The following ROR1 variants were observed in gnomAD, a reference collection of about 807,000 sequenced individuals.
ROR1 encodes ROR family WNT receptor 1, also known as inactive tyrosine-protein kinase transmembrane receptor ROR1.
A neutral mutation model predicts 78.8 loss-of-function variants in ROR1; 19 were observed. That is an observed-to-expected ratio of 0.24 (90% CI 0.17 to 0.35). The LOEUF is 0.35. Among genes scored for constraint, ROR1 ranks in the 10% least tolerant of loss-of-function variants. The pLI is 1.00. For synonymous variants in ROR1, 386 were observed against 433.6 expected, an observed-to-expected ratio of 0.89 and a Z score of 1.36; for missense variants, 917 against 1,177.8, an observed-to-expected ratio of 0.78 and a Z score of 3.24.
At chr1:63,846,845 T>C (rs1434983570) in intron 1 of ROR1, among the ~76,000 whole-genome samples, 2 of 152,186 alleles carry the variant, frequency 1.3e-5, no homozygotes, top group Non-Finnish European at 2.9e-5. Context: ...TCACTAACAC[T>C]CCTAATGCGG....
At chr1:63,945,996 G>A (rs1002140305) in intron 1 of ROR1, among the ~76,000 whole-genome samples, 7 of 152,098 alleles carry the variant, frequency 4.6e-5, no homozygotes, top group Non-Finnish European at 8.8e-5. Context: ...CATGCTTCCT[G>A]GTCCTCCTAG....
chr1:64,027,313 G>A (rs1321688659), intron 2 of ROR1, among the ~76,000 whole-genome samples: 1 of 152,186 alleles, frequency 6.6e-6, no homozygotes, highest in Non-Finnish European at 1.5e-5. Flanking sequence ...CTCCTGGAGT[G>A]AGCACAGAAT....
chr1:64,009,250 T>G (rs1402422433), intron 1 of ROR1, 55 bp from the exon 2 acceptor site: 2 of 1,307,888 alleles, frequency 1.5e-6, no homozygotes. Context: ...AGCCTATAAA[T>G]TACTATATTT....
At chr1:63,819,488 T>A (rs937270208) in intron 1 of ROR1, among the ~76,000 whole-genome samples, 1 of 152,208 alleles carries the variant, frequency 6.6e-6, no homozygotes, top group East Asian at 1.9e-4. Flanking sequence ...TTGGCATCCC[T>A]GCAGCAGTTA....
chr1:64,113,404 T>C (rs1417227398), intron 4 of ROR1, among the ~76,000 whole-genome samples: 2 of 152,290 alleles, frequency 1.3e-5, no homozygotes, highest in African/African-American at 4.8e-5. Context: ...TATTCTGCAG[T>C]AGGCCGAAGA....
At chr1:63,793,731 C>G (rs1266363258) in intron 1 of ROR1, among the ~76,000 whole-genome samples, 1 of 152,200 alleles carries the variant, frequency 6.6e-6, no homozygotes, top group Non-Finnish European at 1.5e-5. Context: ...TCAGCGGTCA[C>G]TTGGTGATGA....
At chr1:64,003,322 T>C (rs1379972904) in intron 1 of ROR1, among the ~76,000 whole-genome samples, 1 of 152,224 alleles carries the variant, frequency 6.6e-6, no homozygotes, top group African/African-American at 2.4e-5. Flanking sequence ...ATTATGCTGA[T>C]TACAATGTAA....
chr1:63,934,103 AGTG>A (rs1336455061), intron 1 of ROR1, among the ~76,000 whole-genome samples: 2 of 152,202 alleles, frequency 1.3e-5, no homozygotes, highest in African/African-American at 4.8e-5. Context: ...GCAATAAAGC[AGTG>A]ATAAACATCC....
rs146459209 is a variant in ROR1, at chr1:64,015,229, G to A, written c.163+5853G>A. 7.1e-3 allele frequency among the ~76,000 whole-genome samples: 1,084 copies of A among 152,166 alleles called. 12 individuals are homozygous for A. The highest frequency in any genetic ancestry group is 0.011 in the Non-Finnish European group (725 of 68,004). On this transcript the variant is annotated intron_variant, in intron 2 of 8. Transcript: ENST00000371079. ...TCAGCTCCCACCAGGTTCCTCCCAC[G>A]TCACATAGGAATTGTGGGAGACACA...
At chr1:64,028,334 G>T (rs1646630905) in intron 2 of ROR1, among the ~76,000 whole-genome samples, 1 of 152,084 alleles carries the variant, frequency 6.6e-6, no homozygotes, top group African/African-American at 2.4e-5. Flanking sequence ...AAATGAATTG[G>T]GCACATAATA....
chr1:64,115,548 G>A (rs1648286912), intron 4 of ROR1, among the ~76,000 whole-genome samples: 1 of 151,520 alleles, frequency 6.6e-6, no homozygotes, highest in African/African-American at 2.4e-5. Context: ...CTGTATAAGA[G>A]GGTAAATAGA....
chr1:63,808,101 A>G (rs560360502), intron 1 of ROR1, among the ~76,000 whole-genome samples: 1 of 151,710 alleles, frequency 6.6e-6, no homozygotes, highest in Non-Finnish European at 1.5e-5. Context: ...TCCTCCTCCA[A>G]TAGTAATAGG....
intron 4 of ROR1, among the ~76,000 whole-genome samples, chr1:64,091,293 T>G (rs193250717): frequency 6.6e-6 from 1 of 152,094 alleles, no homozygotes; most frequent in East Asian, 1.9e-4. Context: ...GAAATACAGA[T>G]TGTGCCCAGC....
Position 63,975,908 on chromosome 1 carries a change from C to T in ROR1, c.92-33397C>T, listed in dbSNP as rs533238187. On this transcript the variant is annotated intron_variant, in intron 1 of 8. Coordinates refer to ENST00000371079, the MANE Select transcript of ROR1 (RefSeq NM_005012.4). ...TGCTAAAACAGACGGCATTTGTTGG[C>T]TGAAGAGTAAATCACGACTTTCGTG... Among the ~76,000 whole-genome samples, 33 of 152,316 alleles carry T rather than the reference C, an allele frequency of 2.2e-4. No individual in the cohort carries two copies. The South Asian group carries it at 5.4e-3, about 25-fold the overall frequency.
intron 1 of ROR1, among the ~76,000 whole-genome samples, chr1:63,795,884 C>T (rs919833135): frequency 4.6e-5 from 7 of 152,086 alleles, no homozygotes; most frequent in Non-Finnish European, 8.8e-5. Context: ...TATGTAAGTA[C>T]AGAAGGTTTT....
intron 1 of ROR1, among the ~76,000 whole-genome samples, chr1:63,959,488 G>C (rs745481020): frequency 6.6e-6 from 1 of 152,214 alleles, no homozygotes; most frequent in Non-Finnish European, 1.5e-5. Flanking sequence ...AATGGCTTCA[G>C]TTGATTTCCT....
intron 1 of ROR1, among the ~76,000 whole-genome samples, chr1:63,887,331 T>G (rs1262102923): frequency 6.6e-6 from 1 of 152,180 alleles, no homozygotes; most frequent in Non-Finnish European, 1.5e-5. Context: ...CTTGAAATTG[T>G]GATGGGGCTA....
chr1:64,152,422 T>C (rs919947143), intron 7 of ROR1, among the ~76,000 whole-genome samples: 2 of 152,200 alleles, frequency 1.3e-5, no homozygotes, highest in African/African-American at 4.8e-5. Context: ...ATGTTCTTGA[T>C]CATTACCCAG....
intron 1 of ROR1, among the ~76,000 whole-genome samples, chr1:63,792,020 A>G (rs760814158): frequency 1.8e-4 from 27 of 152,168 alleles, no homozygotes; most frequent in Non-Finnish European, 2.8e-4. Context: ...AGAAATATAC[A>G]TGACAGCAGG....
Sources: gnomAD v4.1 joint callset for allele counts (sites outside exome capture counted in the v4.1 genomes callset) on GRCh38, gnomAD v4.1.1 for gene constraint, MANE v1.5 for transcripts, NCBI Gene and HGNC (gene_info 2026-07-23, HGNC 2026-07-21) for gene names.